The following TNS3 variants were observed in gnomAD, a reference collection of about 807,000 sequenced individuals.
The protein encoded by TNS3 is tensin 3.
TNS3 carries 45 observed loss-of-function variants against 140.9 expected under a neutral mutation model. That is an observed-to-expected ratio of 0.32 (90% CI 0.25 to 0.41). The LOEUF is 0.41. Ranked by LOEUF, TNS3 falls within the 10% of genes least tolerant of loss-of-function variation. The probability of loss-of-function intolerance (pLI) is 1.00; values close to 1 mark genes in which losing one functional copy is unlikely to be tolerated. For missense variants in TNS3, 1,716 were observed against 1,906.7 expected, an observed-to-expected ratio of 0.90 and a Z score of 1.86; for synonymous variants, 815 against 788.4, an observed-to-expected ratio of 1.03 and a Z score of -0.56.
rs372436274 is a variant in TNS3 at position 47,304,892 on chromosome 7, T to C, written c.2762A>G (p.Gln921Arg). The change falls in exon 21 of 31, where the codon CAG becomes CGG. Residue 921 changes from glutamine to arginine, a missense_variant. Coordinates refer to ENST00000311160, the MANE Select transcript of TNS3 (RefSeq NM_022748.12). Reference protein sequence around the residue: ...RADASSTPSFQQAFASSCTIS... With the variant: ...RADASSTPSFRQAFASSCTIS... Reference sequence around the variant, plus strand: ...GGTGCAGGAAGAAGCAAAAGCCTGCTGAAAGGAGGGCGTCGAGGACGCATC... The same window carrying C: ...GGTGCAGGAAGAAGCAAAAGCCTGCCGAAAGGAGGGCGTCGAGGACGCATC... The C allele has an allele frequency of 2.6e-5, 37 of 1,419,054 alleles. No homozygotes were observed. The highest frequency in any genetic ancestry group is 2.4e-4 in the South Asian group (14 of 59,562). The allele number at this position is 1,419,054 out of a possible 1,614,324, so 87.9% of individuals were successfully genotyped here. A position where few individuals can be genotyped will look rare whatever the true frequency, so the allele number is the denominator to read the frequency against.
rs149910833 is a variant in TNS3 at position 47,416,959 on chromosome 7, A to G, written c.474-1753T>C. 6.3e-3 allele frequency among the ~76,000 whole-genome samples: 958 copies of G among 152,228 alleles called. 4 individuals are homozygous for G. Among genetic ancestry groups the G allele is most frequent in the African/African-American group, 0.021 (889 of 41,526 alleles). On this transcript the variant is annotated intron_variant, in intron 10 of 30. Coordinates refer to ENST00000311160, the MANE Select transcript of TNS3 (RefSeq NM_022748.12). Reference sequence around the variant, plus strand: ...GGAAATCAGCTTCCTCAGCTCGTCCAGTTTGTCAGTGGCACCCTGAGTCCC... The same window carrying G: ...GGAAATCAGCTTCCTCAGCTCGTCCGGTTTGTCAGTGGCACCCTGAGTCCC...
intron 4 of TNS3, among the ~76,000 whole-genome samples, chr7:47,475,845 C>T (rs1797176553): frequency 6.6e-6 from 1 of 152,238 alleles, no homozygotes; most frequent in Non-Finnish European, 1.5e-5. Context: ...GACAGACTCG[C>T]ATGCGCCCTT....
At chr7:47,378,224 G>A (rs953774476) in intron 16 of TNS3, among the ~76,000 whole-genome samples, 2 of 152,220 alleles carry the variant, frequency 1.3e-5, no homozygotes, top group African/African-American at 4.8e-5. Flanking sequence ...GAACTCACAA[G>A]TGATTCATGT....
intron 2 of TNS3, among the ~76,000 whole-genome samples, chr7:47,509,170 G>T (rs942534715): frequency 6.6e-6 from 1 of 152,146 alleles, no homozygotes; most frequent in African/African-American, 2.4e-5. Flanking sequence ...ATTCATGGTG[G>T]GTGGCCTACT....
At chr7:47,418,679 T>C (rs1009602598) in intron 10 of TNS3, among the ~76,000 whole-genome samples, 2 of 152,236 alleles carry the variant, frequency 1.3e-5, no homozygotes, top group East Asian at 3.8e-4. Context: ...TTTTAAAAAC[T>C]AAAGGATTGT....
chr7:47,406,410 C>T (rs1297603409), intron 13 of TNS3, among the ~76,000 whole-genome samples: 2 of 152,204 alleles, frequency 1.3e-5, no homozygotes, highest in Admixed American at 1.3e-4. Context: ...TCTGGCCCTT[C>T]CTTCTCTGTG....
rs955853357 is a variant in TNS3 at position 47,439,360 on chromosome 7, C to G, written c.150+127G>C. ...AGACAGAGGACGAAGGCGCCACGGA[C>G]AGCTGTGTGAGCCCAGGCCCTTGAG... On this transcript the variant is annotated intron_variant, in intron 6 of 30. Coordinates refer to ENST00000311160, the MANE Select transcript of TNS3 (RefSeq NM_022748.12). 5.7e-6 allele frequency: 6 copies of G among 1,052,262 alleles called. No individual in the cohort carries two copies. In the Middle Eastern group the frequency reaches 9.5e-4, roughly 166 times the overall value. The allele number at this position is 1,052,262 out of a possible 1,614,324, so 65.2% of individuals were successfully genotyped here. A position where few individuals can be genotyped will look rare whatever the true frequency, so the allele number is the denominator to read the frequency against.
At chr7:47,383,012 T>G (rs80259609) in intron 16 of TNS3, among the ~76,000 whole-genome samples, 1 of 152,044 alleles carries the variant, frequency 6.6e-6, no homozygotes, top group African/African-American at 2.4e-5. Flanking sequence ...AATTCCAGAA[T>G]GGGAAACCAA....
intron 17 of TNS3, among the ~76,000 whole-genome samples, chr7:47,354,930 G>C (rs1789902197): frequency 6.6e-6 from 1 of 152,200 alleles, no homozygotes; most frequent in Non-Finnish European, 1.5e-5. Flanking sequence ...GCATTTAGCT[G>C]TCTTCGCCCA....
rs199831765 is a variant in TNS3, at chr7:47,368,771, G to C, written c.1875C>G (p.Ala625=). The C allele has an allele frequency of 3.1e-5, 50 of 1,596,062 alleles. No homozygotes were observed. The highest frequency in any genetic ancestry group is 8.4e-5 in the Admixed American group (5 of 59,216). ...CPADNPGLVQ[A]QPRVPLTPTR... The stretch of plus-strand genomic sequence containing the variant: ...TGGGGGTGAGTGGCACTCTGGGCTG[G>C]GCCTGGACGAGGCCAGGATTGTCTG... Residue 625 remains alanine (A), a synonymous_variant, in exon 17 of 31, where the codon GCC becomes GCG. Coordinates refer to ENST00000311160, the MANE Select transcript of TNS3 (RefSeq NM_022748.12).
intron 4 of TNS3, among the ~76,000 whole-genome samples, chr7:47,457,344 C>T (rs1796303603): frequency 6.6e-6 from 1 of 152,064 alleles, no homozygotes; most frequent in Admixed American, 6.5e-5. Context: ...AAAATGTTCT[C>T]TTTTTATAGG....
At chr7:47,283,588 A>G in intron 28 of TNS3, 109 bp downstream of exon 28, 1 of 1,137,256 alleles carries the variant, frequency 8.8e-7, no homozygotes. Context: ...TCATGACCTC[A>G]AAGACGGCTA....
chr7:47,278,517 T>C (rs1415631246), intron 30 of TNS3: 1 of 317,454 alleles, frequency 3.2e-6, no homozygotes, highest in East Asian at 6.0e-5. Context: ...CAACTTCCTC[T>C]ATAGATGCTT....
chr7:47,533,384 C>T (rs1584824619), intron 1 of TNS3, among the ~76,000 whole-genome samples: 1 of 150,450 alleles, frequency 6.6e-6, no homozygotes, highest in South Asian at 2.1e-4. Flanking sequence ...TCCGCCTTGG[C>T]CTCCCAAAGC....
chr7:47,366,486 A>C (rs1312341306), intron 17 of TNS3, among the ~76,000 whole-genome samples: 1 of 152,136 alleles, frequency 6.6e-6, no homozygotes, highest in Non-Finnish European at 1.5e-5. Context: ...TTTCCTTCTC[A>C]CAGATGGAGT....
chr7:47,386,626 G>A (rs566028680), intron 16 of TNS3, among the ~76,000 whole-genome samples: 5 of 152,354 alleles, frequency 3.3e-5, no homozygotes, highest in Non-Finnish European at 7.3e-5. Context: ...TGGCTGTGCT[G>A]AGGCAACGAG....
chr7:47,510,860 T>TA (rs34323744), intron 2 of TNS3, among the ~76,000 whole-genome samples: 18,560 of 128,234 alleles, frequency 0.14, 1,491 homozygotes, highest in East Asian at 0.31. Context: ...AGACTGTCTT[T>TA]AAAAAAAAAA....
At position 47,437,278 on chromosome 7, in the gene TNS3, C is replaced by T. The variant is rs376868413; in HGVS notation, c.186G>A (p.Thr62=). Reference sequence around the variant, plus strand: ...AACTCTGTACCTTTGGGTTAAGCTTCGTAAGGTCATATCTCTTTTCTGAAA... The same window carrying T: ...AACTCTGTACCTTTGGGTTAAGCTTTGTAAGGTCATATCTCTTTTCTGAAA... ...LNLSEKRYDL[T]KLNPKIMDVG... The change falls in exon 7 of 31, where the codon ACG becomes ACA. Residue 62 remains threonine (T), a synonymous_variant. Coordinates refer to ENST00000311160, the MANE Select transcript of TNS3 (RefSeq NM_022748.12). 6.4e-6 allele frequency: 10 copies of T among 1,559,348 alleles called. No homozygotes were observed. The highest frequency in any genetic ancestry group is 4.1e-5 in the Admixed American group (2 of 48,286).
chr7:47,569,993 AT>A (rs1339084984), intron 1 of TNS3, among the ~76,000 whole-genome samples: 1 of 151,360 alleles, frequency 6.6e-6, no homozygotes, highest in Non-Finnish European at 1.5e-5. Context: ...TACTAAAAAT[AT>A]AAAAAATTAG....
Sources: gnomAD v4.1 joint callset for allele counts (sites outside exome capture counted in the v4.1 genomes callset) on GRCh38, gnomAD v4.1.1 for gene constraint, MANE v1.5 for transcripts, NCBI Gene and HGNC (gene_info 2026-07-23, HGNC 2026-07-21) for gene names.